Variants in PLEKHA5 observed in about 807,000 individuals in gnomAD.
PLEKHA5 encodes pleckstrin homology domain-containing family A member 5.
Under a neutral mutation model 181.9 loss-of-function variants are expected in PLEKHA5, and 55 were observed. The ratio of observed to expected loss-of-function variants is 0.30; its 90% confidence interval spans 0.24 to 0.38. The LOEUF (loss-of-function observed/expected upper bound fraction) is 0.38, where lower values mean the gene tolerates loss of function less well. Ranked by LOEUF, PLEKHA5 falls within the 10% of genes least tolerant of loss-of-function variation. PLEKHA5 has a pLI of 1.00. For synonymous variants in PLEKHA5, 535 were observed against 529.4 expected (o/e 1.01, Z -0.15); for missense variants, 1,432 against 1,549.5 (o/e 0.92, Z 1.27).
At chr12:19,135,039 A>G (rs1019014622) in intron 3 of PLEKHA5, among the ~76,000 whole-genome samples, 1 of 152,172 alleles carries the variant, frequency 6.6e-6, no homozygotes, top group African/African-American at 2.4e-5. Flanking sequence ...AGGAATGCCA[A>G]TAAAAGACAT....
rs1433535325 is a variant in PLEKHA5, at chr12:19,336,059, A to G, written c.2449-456A>G. 2.6e-5 allele frequency among the ~76,000 whole-genome samples: 4 copies of G among 152,314 alleles called. No individual in the cohort carries two copies. The East Asian group carries it at 7.7e-4, about 29-fold the overall frequency. On this transcript the variant is annotated intron_variant, in intron 20 of 31. Coordinates refer to ENST00000429027, the MANE Select transcript of PLEKHA5 (RefSeq NM_001256470.2). ...GGGGTGATTTTTTTTCCAAAGGAGA[A>G]AAGTACAGATGGATAATAGTGTCTA...
intron 25 of PLEKHA5, among the ~76,000 whole-genome samples, chr12:19,350,509 A>G (rs930158277): frequency 2.0e-5 from 3 of 152,222 alleles, no homozygotes; most frequent in Admixed American, 6.5e-5. Flanking sequence ...GCTCACGCCT[A>G]TCTATAATCC....
intron 15 of PLEKHA5, among the ~76,000 whole-genome samples, chr12:19,313,710 CAT>C (rs778492672): frequency 2.1e-4 from 32 of 152,006 alleles, no homozygotes; most frequent in East Asian, 7.8e-4. Context: ...AAAAGACAAA[CAT>C]GTGTTTCATT....
At chr12:19,330,476 C>A (rs2092730864) in intron 20 of PLEKHA5, among the ~76,000 whole-genome samples, 1 of 151,822 alleles carries the variant, frequency 6.6e-6, no homozygotes, top group East Asian at 1.9e-4. Flanking sequence ...TTAAAAAAAG[C>A]CAGTGTAGTC....
intron 3 of PLEKHA5, chr12:19,201,132 A>G (rs528779201): frequency 3.3e-5 from 5 of 152,228 alleles, no homozygotes; most frequent in African/African-American, 1.2e-4. Context: ...GAATTTTTAA[A>G]GAACTTTTAC....
chr12:19,141,864 A>G (rs1355496392), intron 3 of PLEKHA5, among the ~76,000 whole-genome samples: 1 of 152,210 alleles, frequency 6.6e-6, no homozygotes, highest in Non-Finnish European at 1.5e-5. Flanking sequence ...AGTAATTCCC[A>G]AACAGTGTCA....
At chr12:19,223,909 A>C (rs2059338942) in intron 3 of PLEKHA5, among the ~76,000 whole-genome samples, 1 of 152,146 alleles carries the variant, frequency 6.6e-6, no homozygotes, top group Admixed American at 6.5e-5. Flanking sequence ...TTATGTAAAG[A>C]CTAGAGAACC....
chr12:19,307,453 C>T (rs2152960520), intron 15 of PLEKHA5: 1 of 262,256 alleles, frequency 3.8e-6, no homozygotes, highest in South Asian at 5.5e-5. Flanking sequence ...GCCTGGGCAA[C>T]GAGCACAAAA....
intron 15 of PLEKHA5, chr12:19,306,859 T>A: frequency 1.3e-6 from 1 of 792,186 alleles, no homozygotes; most frequent in Admixed American, 1.7e-5. Flanking sequence ...ACGTACCATA[T>A]GCAGAAGGAG....
At position 19,147,733 on chromosome 12, in the gene PLEKHA5, A is replaced by G. The variant is rs372271735; in HGVS notation, c.227+15283A>G. The stretch of plus-strand genomic sequence containing the variant: ...GCAACTGTATAATTAAACAGGTTTG[A>G]AATATTGTATTTTATTTTTAGAGAC... On this transcript the variant is annotated intron_variant, in intron 3 of 31. Coordinates refer to ENST00000429027, the MANE Select transcript of PLEKHA5 (RefSeq NM_001256470.2). 1.3e-3 allele frequency among the ~76,000 whole-genome samples: 191 copies of G among 152,002 alleles called. 2 individuals carry two copies. In the South Asian group the frequency reaches 0.039, roughly 31 times the overall value.
intron 3 of PLEKHA5, among the ~76,000 whole-genome samples, chr12:19,171,350 A>G (rs1004877243): frequency 7.9e-5 from 12 of 152,228 alleles, no homozygotes; most frequent in African/African-American, 2.7e-4. Context: ...TTTTAATATA[A>G]AAATGAAGAG....
intron 3 of PLEKHA5, among the ~76,000 whole-genome samples, chr12:19,132,794 G>A (rs61913271): frequency 3.2e-5 from 2 of 61,726 alleles, no homozygotes; most frequent in African/African-American, 1.0e-4. Flanking sequence ...TTTTTTTTTG[G>A]TGCTTCTGTG....
At chr12:19,250,252 A>G (rs980796066) in intron 3 of PLEKHA5, among the ~76,000 whole-genome samples, 6 of 152,136 alleles carry the variant, frequency 3.9e-5, no homozygotes, top group Admixed American at 3.9e-4. Flanking sequence ...ACAAGGTGGG[A>G]ATTAGTTTGT....
chr12:19,206,249 T>C (rs918085035), intron 3 of PLEKHA5, among the ~76,000 whole-genome samples: 1 of 152,050 alleles, frequency 6.6e-6, no homozygotes, highest in Non-Finnish European at 1.5e-5. Flanking sequence ...AAGGGCGATA[T>C]TTTTATGCGT....
At chr12:19,304,755 G>T (rs1317422576) in intron 15 of PLEKHA5, among the ~76,000 whole-genome samples, 1 of 148,342 alleles carries the variant, frequency 6.7e-6, no homozygotes, top group Admixed American at 6.7e-5. Flanking sequence ...GGGCCGGGGG[G>T]CTTTTTTTTT....
intron 3 of PLEKHA5, among the ~76,000 whole-genome samples, chr12:19,251,759 A>AC (rs1461511052): frequency 2.6e-5 from 4 of 151,308 alleles, no homozygotes; most frequent in Admixed American, 2.0e-4. Flanking sequence ...AAAAAAAAAA[A>AC]AAAACTTGTG....
intron 3 of PLEKHA5, among the ~76,000 whole-genome samples, chr12:19,178,639 T>G (rs2047851204): frequency 6.6e-6 from 1 of 152,204 alleles, no homozygotes; most frequent in Non-Finnish European, 1.5e-5. Flanking sequence ...ATCCAGGATT[T>G]TTCTGGTTGA....
chr12:19,336,474 A>C (rs1433023528), intron 20 of PLEKHA5, 41 bp from the exon 21 acceptor site: 1 of 1,030,096 alleles, frequency 9.7e-7, no homozygotes, highest in Non-Finnish European at 1.5e-6. Context: ...CCATAAAAGC[A>C]CATTTTCCCC....
chr12:19,344,623 G>A (rs12827242), intron 22 of PLEKHA5, among the ~76,000 whole-genome samples: 15,702 of 151,866 alleles, frequency 0.1, 897 homozygotes, highest in Middle Eastern at 0.18. Flanking sequence ...ATAAGCACAT[G>A]TTTTCCATTT....
Sources: allele counts gnomAD v4.1 joint callset (sites outside exome capture counted in the v4.1 genomes callset), GRCh38; gene constraint gnomAD v4.1.1; transcripts MANE v1.5; gene names NCBI Gene and HGNC (gene_info 2026-07-23, HGNC 2026-07-21).